ZEB2: variants seen among roughly 807,000 people sequenced by gnomAD.
ZEB2 encodes the protein zinc finger E-box-binding homeobox 2.
A neutral mutation model predicts 99.9 loss-of-function variants in ZEB2; 6 were observed. The ratio of observed to expected loss-of-function variants is 0.06; its 90% confidence interval spans 0.03 to 0.12. The LOEUF is 0.12. Ranked by LOEUF, ZEB2 falls within the 10% of genes least tolerant of loss-of-function variation. The pLI is 1.00. For missense variants in ZEB2, 969 were observed against 1,502.8 expected (o/e 0.64, Z 5.87); for synonymous variants, 517 against 542.5 (o/e 0.95, Z 0.65).
At position 144,401,425 on chromosome 2, in the gene ZEB2, T is replaced by C. The variant is rs1055865883; in HGVS notation, c.808-118A>G. The C allele has an allele frequency of 4.4e-5, 38 of 860,798 alleles. No individual in the cohort carries two copies. In the African/African-American group the frequency reaches 4.8e-4, roughly 11 times the overall value. 53.3% of individuals were successfully genotyped at this position (860,798 alleles called of 1,614,324 possible). A position where few individuals can be genotyped will look rare whatever the true frequency, so the allele number is the denominator to read the frequency against. ...AGGCCAAAAGGTTTGAGTGCATGCTTATTTATCTGCTCAGTCTTTCAGAGT... is the reference window on the plus strand; with the variant it reads ...AGGCCAAAAGGTTTGAGTGCATGCTCATTTATCTGCTCAGTCTTTCAGAGT... On this transcript the variant is annotated intron_variant, in intron 6 of 9. Coordinates refer to ENST00000627532, the MANE Select transcript of ZEB2 (RefSeq NM_014795.4).
chr2:144,385,415 C>T lies in ZEB2; in HGVS notation c.*4036G>A, dbSNP rs138323903. On this transcript the variant is annotated 3_prime_UTR_variant, in exon 10 of 10. Coordinates refer to ENST00000627532, the MANE Select transcript of ZEB2 (RefSeq NM_014795.4). ...TATATATTTTTTCCCCATGTGAATT[C>T]TTTGGTGTTTTTTCCCCCTCTTTTT... The T allele has an allele frequency of 7.4e-4, 113 of 152,110 alleles. No individual in the cohort carries two copies. The highest frequency in any genetic ancestry group is 2.7e-3 in the African/African-American group (110 of 41,486). The allele number at this position is 152,110 out of a possible 1,614,324, so 9.4% of individuals were successfully genotyped here. A position where few individuals can be genotyped will look rare whatever the true frequency, so the allele number is the denominator to read the frequency against.
In ZEB2 at chr2:144,398,932, G is replaced by A. The variant is rs143438888; in HGVS notation, c.2255C>T (p.Thr752Met). 157 of 1,614,046 alleles carry A rather than the reference G, an allele frequency of 9.7e-5. No homozygotes were observed. The highest frequency in any genetic ancestry group is 1.3e-4 in the Non-Finnish European group (148 of 1,180,034). ...PSIAELHNSV[T>M]NCDPPLRLTK... is the part of the protein sequence containing the mutation. ...TAGCCTGAGAGGAGGATCACAATTC[G>A]TAACACTGTTGTGGAGTTCTGCTAT... The change falls in exon 8 of 10, where the codon ACG becomes ATG. Residue 752 changes from threonine to methionine, a missense_variant. Physicochemically the swap from Thr to Met is moderately conservative, Grantham distance 81 (BLOSUM62 -1). This residue lies in a region of ZEB2 where 346 missense variants were observed against 460.0 expected (regional missense o/e 0.75). Coordinates refer to ENST00000627532, the MANE Select transcript of ZEB2 (RefSeq NM_014795.4).
At chr2:144,465,089 C>G (rs115066868) in intron 2 of ZEB2, among the ~76,000 whole-genome samples, 1 of 152,270 alleles carries the variant, frequency 6.6e-6, no homozygotes, top group Non-Finnish European at 1.5e-5. Flanking sequence ...GAAAGAGTAG[C>G]TCGTATAAGA....
chr2:144,418,921 A>G (rs1006772409), intron 4 of ZEB2, among the ~76,000 whole-genome samples: 1 of 152,166 alleles, frequency 6.6e-6, no homozygotes, highest in Non-Finnish European at 1.5e-5. Flanking sequence ...TCACTACTAA[A>G]GAGCTTATTC....
intron 4 of ZEB2, among the ~76,000 whole-genome samples, chr2:144,414,966 G>GTGTT (rs112933478): frequency 0.062 from 9,331 of 149,992 alleles, 861 homozygotes; most frequent in African/African-American, 0.2. Context: ...GTGTGTGTGT[G>GTGTT]TTTGTATATG....
rs774047443 is a variant in ZEB2 at position 144,401,310 on chromosome 2, A to G, written c.808-3T>C. On this transcript the variant is annotated splice_polypyrimidine_tract_variant and splice_region_variant and intron_variant, in intron 6 of 9. Coordinates refer to ENST00000627532, the MANE Select transcript of ZEB2 (RefSeq NM_014795.4). Reference sequence around the variant, plus strand: ...GCTCCTTGGGTTAGCATTTGGTGCTATAAAAGGAGAAAGACTGACATCAGT... The same window carrying G: ...GCTCCTTGGGTTAGCATTTGGTGCTGTAAAAGGAGAAAGACTGACATCAGT... The G allele has an allele frequency of 1.9e-6, 3 of 1,613,886 alleles. No individual in the cohort carries two copies. Among genetic ancestry groups the G allele is most frequent in the East Asian group, 2.2e-5 (1 of 44,884 alleles).
chr2:144,514,171 C>G (rs1553971315), intron 2 of ZEB2: 2 of 231,308 alleles, frequency 8.6e-6, no homozygotes, highest in Non-Finnish European at 1.7e-5. Context: ...TCTCTTTGTA[C>G]ATTTATTTTT....
At chr2:144,457,705 G>C (rs1430157138) in intron 2 of ZEB2, among the ~76,000 whole-genome samples, 1 of 152,080 alleles carries the variant, frequency 6.6e-6, no homozygotes, top group Non-Finnish European at 1.5e-5. Context: ...GTTTTATTTT[G>C]CTTGGAAGGT....
intron 4 of ZEB2, among the ~76,000 whole-genome samples, chr2:144,409,759 C>G (rs953021308): frequency 6.6e-6 from 1 of 152,028 alleles, no homozygotes; most frequent in African/African-American, 2.4e-5. Flanking sequence ...CATGGTGGTG[C>G]GTGCCTGTGG....
chr2:144,511,998 T>G (rs1705046279), intron 2 of ZEB2: 1 of 1,287,238 alleles, frequency 7.8e-7, no homozygotes. Flanking sequence ...TTTATCTCTT[T>G]GCTCTGAAAA....
chr2:144,421,199 T>C (rs1703614481), intron 4 of ZEB2, among the ~76,000 whole-genome samples: 1 of 152,160 alleles, frequency 6.6e-6, no homozygotes, highest in Non-Finnish European at 1.5e-5. Flanking sequence ...CACTTTGTGA[T>C]GGAGACCATT....
intron 2 of ZEB2, among the ~76,000 whole-genome samples, chr2:144,469,258 A>C (rs551733323): frequency 5.9e-5 from 9 of 152,302 alleles, no homozygotes; most frequent in African/African-American, 1.9e-4. Flanking sequence ...TAGTAAAATA[A>C]ATTTTTAAAA....
intron 2 of ZEB2, among the ~76,000 whole-genome samples, chr2:144,487,238 A>G (rs1176677003): frequency 6.6e-6 from 1 of 152,144 alleles, no homozygotes; most frequent in Non-Finnish European, 1.5e-5. Flanking sequence ...AAGATATGCT[A>G]TCAAGGAAAG....
intron 7 of ZEB2, 32 bp from the exon 8 acceptor site, chr2:144,400,302 T>C: frequency 6.3e-7 from 1 of 1,596,404 alleles, no homozygotes; most frequent in African/African-American, 1.3e-5. Context: ...CCGTTACATT[T>C]CCTTGATTAG....
At position 144,404,021 on chromosome 2, in the gene ZEB2, G is replaced by A. The variant is rs140169964; in HGVS notation, c.702C>T (p.His234=). 316 of 1,614,082 alleles carry A rather than the reference G, an allele frequency of 2.0e-4. 4 individuals carry two copies. The South Asian group carries it at 3.0e-3, about 15-fold the overall frequency. The part of the protein sequence containing the change: ...TSLKEHIKYR[H]EKNEENFSCP... ...AGGAAAAGTTCTCTTCATTCTTCTC[G>A]TGGCGGTACTTGATGTGCTCCTTCA... Residue 234 remains histidine, a synonymous_variant, in exon 6 of 10, where the codon CAC becomes CAT. Transcript: ENST00000627532.
intron 2 of ZEB2, chr2:144,461,475 T>C (rs1704193505): frequency 6.6e-6 from 1 of 152,286 alleles, no homozygotes; most frequent in South Asian, 2.1e-4. Flanking sequence ...GCCAGGCCCA[T>C]TGCATCATTG....
At chr2:144,499,551 C>A (rs769133365) in intron 2 of ZEB2, among the ~76,000 whole-genome samples, 1 of 152,098 alleles carries the variant, frequency 6.6e-6, no homozygotes, top group Non-Finnish European at 1.5e-5. Context: ...CTAGTGATAA[C>A]TTTATTAACT....
At chr2:144,460,291 G>C (rs1239389082) in intron 2 of ZEB2, among the ~76,000 whole-genome samples, 1 of 152,086 alleles carries the variant, frequency 6.6e-6, no homozygotes, top group African/African-American at 2.4e-5. Context: ...CAACGGCTAA[G>C]GTATACAATG....
intron 2 of ZEB2, among the ~76,000 whole-genome samples, chr2:144,441,805 G>A (rs1703922360): frequency 1.3e-5 from 2 of 152,210 alleles, no homozygotes; most frequent in Non-Finnish European, 2.9e-5. Flanking sequence ...AAAAAAGGGA[G>A]CAGTTTGAAA....
Sources: gnomAD v4.1 joint callset for allele counts (sites outside exome capture counted in the v4.1 genomes callset) on GRCh38, gnomAD v4.1.1 for gene constraint, gnomAD v4.1.1 regional missense constraint, MANE v1.5 for transcripts, NCBI Gene and HGNC (gene_info 2026-07-23, HGNC 2026-07-21) for gene names.